CDC27: variants seen among roughly 807,000 people sequenced by gnomAD.
CDC27 encodes the protein cell division cycle 27, also known as cell division cycle protein 27 homolog.
Under a neutral mutation model 109.7 loss-of-function variants are expected in CDC27, and 27 were observed. That is an observed-to-expected ratio of 0.25 (90% CI 0.18 to 0.34). The LOEUF is 0.34. CDC27 is among the 10% of genes least tolerant of loss of function. CDC27 has a pLI of 1.00. For synonymous variants in CDC27, 266 were observed against 333.9 expected (o/e 0.80, Z 2.22); for missense variants, 579 against 960.2 (o/e 0.60, Z 5.25).
chr17:47,138,001 T>C (rs557246304), intron 13 of CDC27, among the ~76,000 whole-genome samples: 1 of 152,156 alleles, frequency 6.6e-6, no homozygotes, highest in Admixed American at 6.5e-5. Flanking sequence ...GGTTTTGCCA[T>C]GTTGCCGAGG....
chr17:47,120,819 T>TGTGACACTC lies in CDC27; in HGVS notation c.*115_*116insGAGTGTCAC. ...TCCAATGAAAGTGGCACACTCATGGTATAAGTGACGGACGATGACACCGCC... is the reference window on the plus strand; with the variant it reads ...TCCAATGAAAGTGGCACACTCATGGTGTGACACTCATAAGTGACGGACGATGACACCGCC... On this transcript the variant is annotated 3_prime_UTR_variant, in exon 19 of 19. Coordinates refer to ENST00000066544, the MANE Select transcript of CDC27 (RefSeq NM_001256.6). 1.4e-6 allele frequency: 1 copy of TGTGACACTC among 708,942 alleles called. No homozygotes were observed. The highest frequency in any genetic ancestry group is 2.5e-6 in the Non-Finnish European group (1 of 400,598). 43.9% of individuals were successfully genotyped at this position (708,942 alleles called of 1,614,324 possible). A position where few individuals can be genotyped will look rare whatever the true frequency, so the allele number is the denominator to read the frequency against.
chr17:47,133,021 A>ATATG (rs2062411849), intron 14 of CDC27, among the ~76,000 whole-genome samples: 1 of 43,916 alleles, frequency 2.3e-5, no homozygotes, highest in Admixed American at 3.9e-4. Context: ...ATATATATAT[A>ATATG]TATATATACA....
chr17:47,142,971 C>T (rs1017820796), intron 10 of CDC27, among the ~76,000 whole-genome samples: 2 of 151,924 alleles, frequency 1.3e-5, no homozygotes, highest in Non-Finnish European at 2.9e-5. Flanking sequence ...CCACCGTGCC[C>T]GGCCTTTGTT....
chr17:47,186,761 A>G (rs550089117), intron 1 of CDC27, among the ~76,000 whole-genome samples: 400 of 126,574 alleles, frequency 3.2e-3, no homozygotes, highest in Non-Finnish European at 3.9e-3. Context: ...AACTTTAAAG[A>G]AAAAAAAATG....
At chr17:47,183,152 T>C (rs1393707603) in intron 1 of CDC27, among the ~76,000 whole-genome samples, 2 of 152,226 alleles carry the variant, frequency 1.3e-5, no homozygotes, top group Non-Finnish European at 2.9e-5. Context: ...ACTTTTGAGA[T>C]ATCTCACACC....
chr17:47,128,391 T>C (rs1374464554), intron 16 of CDC27, among the ~76,000 whole-genome samples: 1 of 152,190 alleles, frequency 6.6e-6, no homozygotes, highest in East Asian at 1.9e-4. Flanking sequence ...ATAACAAAAA[T>C]CTCGTGTCTT....
intron 2 of CDC27, among the ~76,000 whole-genome samples, chr17:47,176,468 TTTA>T (rs1270694466): frequency 6.6e-5 from 10 of 152,236 alleles, no homozygotes; most frequent in Non-Finnish European, 1.2e-4. Flanking sequence ...TCTTAAGTAT[TTTA>T]AAACCACGCT....
At chr17:47,151,642 C>G (rs1057406147) in intron 9 of CDC27, among the ~76,000 whole-genome samples, 164 bp downstream of exon 9, 2 of 152,304 alleles carry the variant, frequency 1.3e-5, no homozygotes, top group East Asian at 3.9e-4. Flanking sequence ...AAACTCAACT[C>G]AAAATTACAT....
intron 1 of CDC27, 122 bp from the exon 2 acceptor site, chr17:47,181,759 A>T: frequency 2.0e-6 from 1 of 509,028 alleles, no homozygotes; most frequent in Non-Finnish European, 3.6e-6. Context: ...TAAAACCCCA[A>T]TGCCCACAGA....
At chr17:47,168,142 G>C (rs1049053042) in intron 4 of CDC27, among the ~76,000 whole-genome samples, 1 of 152,110 alleles carries the variant, frequency 6.6e-6, no homozygotes, top group Non-Finnish European at 1.5e-5. Flanking sequence ...TCACTACATA[G>C]GCATTACTGA....
chr17:47,188,812 T>G, intron 1 of CDC27: 1 of 1,226,740 alleles, frequency 8.2e-7, no homozygotes, highest in Admixed American at 3.5e-5. Flanking sequence ...AAGAGAGCGC[T>G]TGGGGTGCAT....
chr17:47,153,386 A>G (rs1470343212), intron 8 of CDC27, among the ~76,000 whole-genome samples: 1 of 152,168 alleles, frequency 6.6e-6, no homozygotes, highest in Non-Finnish European at 1.5e-5. Context: ...GCTAACTACC[A>G]TTTTGTTTTG....
Position 47,138,842 on chromosome 17 carries a change from T to C in CDC27, c.1601A>G (p.Glu534Gly), listed in dbSNP as rs139005122. The change falls in exon 13 of 19, where the codon GAA (glutamate) becomes GGA (glycine). Residue 534 changes from glutamate to glycine, a missense_variant. Around this residue, in one of 9 missense-constraint regions of CDC27, gnomAD observed 227 missense variants for 363.6 expected, o/e 0.62. Coordinates refer to ENST00000066544, the MANE Select transcript of CDC27 (RefSeq NM_001256.6). ...TGTTGTAGAGTAGATCTCCATGCCT[T>C]CAACTCTATAATTCTCAATCCTTCT... Reference protein sequence around the residue: ...EVRRIENYRVEGMEIYSTTLW... With the variant: ...EVRRIENYRVGGMEIYSTTLW... The C allele has an allele frequency of 1.4e-5, 23 of 1,606,484 alleles. No homozygotes were observed. Among genetic ancestry groups the C allele is most frequent in the Non-Finnish European group, 2.0e-5 (23 of 1,174,330 alleles).
rs763340610 is a variant in CDC27, at chr17:47,138,783, C to T, written c.1660G>A (p.Val554Ile). The T allele has an allele frequency of 6.2e-6, 10 of 1,611,448 alleles. No homozygotes were observed. Among genetic ancestry groups the T allele is most frequent in the Non-Finnish European group, 6.8e-6 (8 of 1,179,340 alleles). The change falls in exon 13 of 19, where the codon GTT (valine) becomes ATT (isoleucine). Residue 554 changes from valine (V) to isoleucine (I), a missense_variant. Physicochemically the swap from Val to Ile is conservative, Grantham distance 29. This residue lies in a region of CDC27 where 227 missense variants were observed against 363.6 expected (regional missense o/e 0.62). Transcript: ENST00000066544. ...WHLQKDVALSVLSKDLTDMDK... is the reference protein window; with the variant it reads ...WHLQKDVALSILSKDLTDMDK... ...ATGTCTGTTAAGTCTTTTGACAGAA[C>T]TGAAAGAGCAACATCTTTTTGAAGA... is the stretch of plus-strand genomic sequence containing the variant.
At position 47,173,567 on chromosome 17, in the gene CDC27, T is replaced by G. The variant is rs186919326; in HGVS notation, c.104-1503A>C. 2.1e-3 allele frequency among the ~76,000 whole-genome samples: 315 copies of G among 152,322 alleles called. 1 individual carries two copies. Among genetic ancestry groups the G allele is most frequent in the Non-Finnish European group, 3.0e-3 (202 of 68,032 alleles). ...TAAACAATGGCTCCCACAAACTAAT[T>G]TAACTCCCAGTCACAGTAATGCTGT... is the stretch of plus-strand genomic sequence containing the variant. On this transcript the variant is annotated intron_variant, in intron 2 of 18. Transcript: ENST00000066544.
chr17:47,189,177 G>T lies in CDC27; in HGVS notation c.-5C>A, dbSNP rs373705418. 5 of 1,611,954 alleles carry T rather than the reference G, an allele frequency of 3.1e-6. No homozygotes were observed. Among genetic ancestry groups the T allele is most frequent in the Non-Finnish European group, 4.2e-6 (5 of 1,178,196 alleles). On this transcript the variant is annotated 5_prime_UTR_variant, in exon 1 of 19. Transcript: ENST00000066544. Reference sequence around the variant, plus strand: ...GGGTTCCTGCAGCACCGTCATCCTCGAGGCTCAGGCCCACTTTCTGCAGTG... The same window carrying T: ...GGGTTCCTGCAGCACCGTCATCCTCTAGGCTCAGGCCCACTTTCTGCAGTG...
Position 47,123,893 on chromosome 17 carries a change from A to G in CDC27, c.2228T>C (p.Ile743Thr). The change falls in exon 17 of 19, where the codon ATA (isoleucine) becomes ACA (threonine). Residue 743 changes from isoleucine (I) to threonine (T), a missense_variant. Physicochemically the swap from Ile to Thr is moderately conservative, Grantham distance 89. This residue lies in a region of CDC27 where 227 missense variants were observed against 363.6 expected (regional missense o/e 0.62). Transcript: ENST00000066544. The part of the protein sequence containing the change: ...VPKESLVYFL[I>T]GKVYKKLGQT... ...CATGACCCCAGTCTTTACCTTTCCT[A>G]TTAAGAAGTAAACGAGGGATTCTTT... 6.3e-7 allele frequency: 1 copy of G among 1,595,450 alleles called. No individual in the cohort carries two copies. Among genetic ancestry groups the G allele is most frequent in the Non-Finnish European group, 8.5e-7 (1 of 1,173,438 alleles).
In CDC27 at chr17:47,189,256, C is replaced by T. The variant is rs78501339; in HGVS notation, c.-84G>A. On this transcript the variant is annotated 5_prime_UTR_variant, in exon 1 of 19. Coordinates refer to ENST00000066544, the MANE Select transcript of CDC27 (RefSeq NM_001256.6). ...CCCGGCCAGCCCCTGCTCATTTAAA[C>T]TCACCAGCGACCGTTACCGGGGGAT... The T allele has an allele frequency of 9.3e-7, 1 of 1,074,296 alleles. No homozygotes were observed. The highest frequency in any genetic ancestry group is 1.4e-6 in the Non-Finnish European group (1 of 694,560). 66.5% of individuals were successfully genotyped at this position (1,074,296 alleles called of 1,614,324 possible).
intron 3 of CDC27, chr17:47,170,476 A>G (rs1160212764): frequency 6.6e-6 from 1 of 152,376 alleles, no homozygotes; most frequent in Non-Finnish European, 1.5e-5. Context: ...GAGACACTGC[A>G]CCTGGCCAAT....
Sources: gnomAD v4.1 joint callset for allele counts (sites outside exome capture counted in the v4.1 genomes callset) on GRCh38, gnomAD v4.1.1 for gene constraint, gnomAD v4.1.1 regional missense constraint, MANE v1.5 for transcripts, NCBI Gene and HGNC (gene_info 2026-07-23, HGNC 2026-07-21) for gene names.